LTBP1: variants seen among roughly 807,000 people sequenced by gnomAD.
LTBP1 encodes latent-transforming growth factor beta-binding protein 1.
LTBP1 carries 129 observed loss-of-function variants against 207.6 expected under a neutral mutation model. The ratio of observed to expected loss-of-function variants is 0.62; its 90% CI spans 0.54 to 0.72. LTBP1 has a LOEUF of 0.72. Among genes scored for constraint, LTBP1 ranks in the 30% least tolerant of loss-of-function variants. The probability of loss-of-function intolerance (pLI) is 0.00; values close to 1 mark genes in which losing one functional copy is unlikely to be tolerated. For synonymous variants in LTBP1, 963 were observed against 833.7 expected (o/e 1.16, Z -2.67); for missense variants, 2,281 against 2,217.2 (o/e 1.03, Z -0.58).
rs185248354 is a variant in LTBP1 at position 33,252,414 on chromosome 2, A to G, written c.2000-263A>G. Among the ~76,000 whole-genome samples, 4 of 152,330 alleles carry G rather than the reference A, an allele frequency of 2.6e-5. No homozygotes were observed. In the East Asian group the frequency reaches 7.7e-4, roughly 29 times the overall value. ...AAATGTTTCTCTTCATTACGCACACATACCTAATTGCATGCTTGCTAAAAT... is the reference window on the plus strand; with the variant it reads ...AAATGTTTCTCTTCATTACGCACACGTACCTAATTGCATGCTTGCTAAAAT... On this transcript the variant is annotated intron_variant, in intron 10 of 33. Transcript: ENST00000404816.
intron 5 of LTBP1, among the ~76,000 whole-genome samples, chr2:33,167,143 A>T (rs776597239): frequency 6.6e-6 from 1 of 152,230 alleles, no homozygotes; most frequent in Non-Finnish European, 1.5e-5. Context: ...AATTGATTAA[A>T]AAGTGAGTGC....
At chr2:32,997,953 G>A (rs1685535508) in intron 2 of LTBP1, among the ~76,000 whole-genome samples, 1 of 152,114 alleles carries the variant, frequency 6.6e-6, no homozygotes, top group Non-Finnish European at 1.5e-5. Context: ...AGAAAGTGTT[G>A]TAGGTTTCTT....
At chr2:33,304,025 G>A (rs2094042940) in intron 22 of LTBP1, among the ~76,000 whole-genome samples, 1 of 152,188 alleles carries the variant, frequency 6.6e-6, no homozygotes, top group Non-Finnish European at 1.5e-5. Context: ...CTTTTAATGT[G>A]TAAGCATTTT....
chr2:33,133,889 A>G (rs2081970477), intron 4 of LTBP1, among the ~76,000 whole-genome samples: 2 of 152,298 alleles, frequency 1.3e-5, no homozygotes, highest in South Asian at 2.1e-4. Flanking sequence ...TTGAGCTGGG[A>G]TTGTAAACCA....
chr2:33,194,187 G>A (rs535090774), intron 7 of LTBP1, among the ~76,000 whole-genome samples: 19 of 152,012 alleles, frequency 1.2e-4, no homozygotes, highest in Non-Finnish European at 2.1e-4. Context: ...GGGTTTCACC[G>A]TGTTAGCCAG....
intron 5 of LTBP1, among the ~76,000 whole-genome samples, chr2:33,178,543 ATTG>A (rs72306639): frequency 0.08 from 12,123 of 152,142 alleles, 1,042 homozygotes; most frequent in African/African-American, 0.22. Flanking sequence ...TATTTTTGGA[ATTG>A]TTGTTTGCAT....
chr2:33,193,560 T>C (rs551111796), intron 7 of LTBP1, among the ~76,000 whole-genome samples: 1 of 152,360 alleles, frequency 6.6e-6, no homozygotes, highest in South Asian at 2.1e-4. Flanking sequence ...TCTTTGTAGA[T>C]AGATATTGTG....
chr2:33,332,991 C>G (rs1386546822), intron 24 of LTBP1: 1 of 152,166 alleles, frequency 6.6e-6, no homozygotes, highest in East Asian at 1.9e-4. Context: ...GAGAGAGAGG[C>G]TCAGCAAGGG....
At chr2:33,086,094 C>T (rs2078742009) in intron 3 of LTBP1, among the ~76,000 whole-genome samples, 1 of 152,214 alleles carries the variant, frequency 6.6e-6, no homozygotes. Flanking sequence ...TCAGGCATTG[C>T]TCTAAGTGCT....
At chr2:32,998,130 TC>T (rs1685557508) in intron 2 of LTBP1, among the ~76,000 whole-genome samples, 1 of 152,154 alleles carries the variant, frequency 6.6e-6, no homozygotes, top group African/African-American at 2.4e-5. Context: ...ACTCTTGGAC[TC>T]CTCCCCAGAC....
chr2:33,050,186 A>G (rs2076659181), intron 3 of LTBP1, among the ~76,000 whole-genome samples: 1 of 132,950 alleles, frequency 7.5e-6, no homozygotes, highest in African/African-American at 2.9e-5. Context: ...ACGGTGTATG[A>G]TCCAAATAGG....
intron 7 of LTBP1, among the ~76,000 whole-genome samples, chr2:33,198,942 T>A (rs1386932238): frequency 6.6e-6 from 1 of 152,204 alleles, no homozygotes; most frequent in African/African-American, 2.4e-5. Context: ...TTCTGCTAGC[T>A]TTTGAATGTG....
rs369502970 is a variant in LTBP1 at position 33,283,868 on chromosome 2, T to C, written c.3112+3710T>C. Among the ~76,000 whole-genome samples the C allele has an allele frequency of 2.2e-3, 338 of 152,368 alleles. 3 individuals are homozygous for C. Among genetic ancestry groups the C allele is most frequent in the African/African-American group, 7.4e-3 (309 of 41,582 alleles). On this transcript the variant is annotated intron_variant, in intron 19 of 33. Coordinates refer to ENST00000404816, the MANE Select transcript of LTBP1 (RefSeq NM_206943.4). Reference sequence around the variant, plus strand: ...GTTCCATAAATGTTAGTGTCTTTTTTTCTAACTCTCCTCTCACTGAGTACA... The same window carrying C: ...GTTCCATAAATGTTAGTGTCTTTTTCTCTAACTCTCCTCTCACTGAGTACA...
chr2:33,064,811 C>G (rs2077426392), intron 3 of LTBP1, among the ~76,000 whole-genome samples: 1 of 152,198 alleles, frequency 6.6e-6, no homozygotes, highest in African/African-American at 2.4e-5. Flanking sequence ...TAATTTTTTC[C>G]CAACTTGTAT....
Position 33,240,539 on chromosome 2 carries a change from T to C in LTBP1, c.1877-3123T>C, listed in dbSNP as rs556686050. 1.5e-3 allele frequency among the ~76,000 whole-genome samples: 236 copies of C among 152,344 alleles called. 2 individuals are homozygous for C. The highest frequency in any genetic ancestry group is 5.5e-3 in the African/African-American group (228 of 41,582). On this transcript the variant is annotated intron_variant, in intron 9 of 33. Transcript: ENST00000404816. ...TCCTGTTTCTTAATAATTAGAAATG[T>C]CTTATTAATTTATTAATTTCTGAAG...
At chr2:33,086,036 A>T (rs918545920) in intron 3 of LTBP1, among the ~76,000 whole-genome samples, 1 of 152,250 alleles carries the variant, frequency 6.6e-6, no homozygotes, top group African/African-American at 2.4e-5. Context: ...GAGTTAGAAC[A>T]TCAGTGATAA....
chr2:33,358,487 G>C (rs1205395974), intron 26 of LTBP1, among the ~76,000 whole-genome samples: 1 of 151,434 alleles, frequency 6.6e-6, no homozygotes, highest in Non-Finnish European at 1.5e-5. Context: ...ACATGCTTTG[G>C]ACTCGAGAAG....
In LTBP1 at chr2:33,100,178, C is replaced by T. The variant is rs142710106; in HGVS notation, c.864-10404C>T. 7.8e-3 allele frequency among the ~76,000 whole-genome samples: 1,180 copies of T among 152,240 alleles called. 15 individuals are homozygous for T. Among genetic ancestry groups the T allele is most frequent in the Non-Finnish European group, 0.012 (844 of 68,022 alleles). On this transcript the variant is annotated intron_variant, in intron 3 of 33. Transcript: ENST00000404816. ...AGAGGAGCATCACTGGAGAGCATAA[C>T]GTGTTCCGGCTACAGAGACTGACAG...
chr2:33,015,560 A>G (rs1022588531), intron 2 of LTBP1, among the ~76,000 whole-genome samples: 1 of 132,856 alleles, frequency 7.5e-6, no homozygotes, highest in African/African-American at 2.8e-5. Flanking sequence ...AACTGTAAGA[A>G]GTTGACTAGC....
Sources: allele counts gnomAD v4.1 joint callset (sites outside exome capture counted in the v4.1 genomes callset), GRCh38; gene constraint gnomAD v4.1.1; transcripts MANE v1.5; gene names NCBI Gene and HGNC (gene_info 2026-07-23, HGNC 2026-07-21).